The following GPR158 variants were observed in gnomAD, a reference collection of about 807,000 sequenced individuals.
GPR158 encodes the protein metabotropic glycine receptor.
A neutral mutation model predicts 78.2 loss-of-function variants in GPR158; 30 were observed. That is an observed-to-expected ratio of 0.38 (90% CI 0.29 to 0.52). GPR158 has a LOEUF of 0.52. Ranked by LOEUF, GPR158 falls within the 20% of genes least tolerant of loss-of-function variation. The probability of loss-of-function intolerance (pLI) is 0.83; values close to 1 mark genes in which losing one functional copy is unlikely to be tolerated. For synonymous variants in GPR158, 581 were observed against 591.1 expected, an observed-to-expected ratio of 0.98 and a Z score of 0.25; for missense variants, 1,463 against 1,523.5, an observed-to-expected ratio of 0.96 and a Z score of 0.66.
At chr10:25,343,231 G>A (rs1033439229) in intron 2 of GPR158, among the ~76,000 whole-genome samples, 1 of 151,946 alleles carries the variant, frequency 6.6e-6, no homozygotes, top group African/African-American at 2.4e-5. Context: ...ATTTTCAGAG[G>A]TAAAGGAATC....
intron 6 of GPR158, among the ~76,000 whole-genome samples, chr10:25,568,535 C>A (rs1238157341): frequency 6.6e-6 from 1 of 152,008 alleles, no homozygotes; most frequent in Non-Finnish European, 1.5e-5. Flanking sequence ...TGGGGAGAGA[C>A]CATGTAAAAT....
chr10:25,183,748 A>T (rs1852645021), intron 1 of GPR158, among the ~76,000 whole-genome samples: 1 of 152,220 alleles, frequency 6.6e-6, no homozygotes, highest in Non-Finnish European at 1.5e-5. Flanking sequence ...AGAGTTATGT[A>T]AGGTTTTGGT....
intron 2 of GPR158, among the ~76,000 whole-genome samples, chr10:25,379,570 C>T (rs917049532): frequency 2.0e-5 from 3 of 151,268 alleles, no homozygotes; most frequent in Non-Finnish European, 3.0e-5. Flanking sequence ...ACTTCTTTTT[C>T]TCTTCAGCTT....
intron 6 of GPR158, among the ~76,000 whole-genome samples, chr10:25,564,746 C>T (rs1357662554): frequency 6.6e-6 from 1 of 152,144 alleles, no homozygotes; most frequent in African/African-American, 2.4e-5. Context: ...AGCTTTTTTA[C>T]TCAGATTCAG....
chr10:25,430,294 C>T lies in GPR158; in HGVS notation c.1335+17821C>T, dbSNP rs879286257. On this transcript the variant is annotated intron_variant, in intron 4 of 10. Transcript: ENST00000376351. ...AAAGAGAATAAAATACTTAGGAATCCAACTTACAAGGGATGTGAAGGACCT... is the reference window on the plus strand; with the variant it reads ...AAAGAGAATAAAATACTTAGGAATCTAACTTACAAGGGATGTGAAGGACCT... 9.9e-3 allele frequency among the ~76,000 whole-genome samples: 1,496 copies of T among 150,816 alleles called. 18 individuals are homozygous for T. The highest frequency in any genetic ancestry group is 0.014 in the Middle Eastern group (4 of 286).
chr10:25,480,431 G>T (rs548751945), intron 5 of GPR158, among the ~76,000 whole-genome samples: 1 of 152,154 alleles, frequency 6.6e-6, no homozygotes, highest in South Asian at 2.1e-4. Context: ...GGCTATTATC[G>T]ATTTCCAAAA....
chr10:25,551,171 A>G lies in GPR158; in HGVS notation c.1514+86A>G, dbSNP rs939598964. ...TAATTGTTAGCTGGGCTGACCACTT[A>G]AATGGCTCAGTTTCAAGAATTTACA... On this transcript the variant is annotated intron_variant, in intron 6 of 10. Coordinates refer to ENST00000376351, the MANE Select transcript of GPR158 (RefSeq NM_020752.3). 19 of 774,922 alleles carry G rather than the reference A, an allele frequency of 2.5e-5. No homozygotes were observed. In the African/African-American group the frequency reaches 3.1e-4, roughly 13 times the overall value. The allele number at this position is 774,922 out of a possible 1,614,324, so 48.0% of individuals were successfully genotyped here.
chr10:25,293,553 G>A (rs1275185009), intron 2 of GPR158, among the ~76,000 whole-genome samples: 1 of 152,098 alleles, frequency 6.6e-6, no homozygotes. Context: ...CAAAAATAAC[G>A]ACCAAATTTT....
intron 4 of GPR158, among the ~76,000 whole-genome samples, chr10:25,413,921 T>C (rs562633987): frequency 2.0e-5 from 3 of 152,176 alleles, no homozygotes; most frequent in Non-Finnish European, 4.4e-5. Flanking sequence ...GTGTGTTATA[T>C]AATAAAAATA....
chr10:25,431,036 TCTG>T (rs1834895961), intron 4 of GPR158, among the ~76,000 whole-genome samples: 1 of 145,918 alleles, frequency 6.9e-6, no homozygotes. Context: ...TTAAAGAGCT[TCTG>T]CACAGCAAAA....
chr10:25,485,671 T>C (rs537594343), intron 5 of GPR158, among the ~76,000 whole-genome samples: 12 of 152,320 alleles, frequency 7.9e-5, no homozygotes, highest in Admixed American at 2.0e-4. Context: ...AATATCACTA[T>C]TGACAAATCT....
At chr10:25,178,375 G>A (rs1193500413) in intron 1 of GPR158, among the ~76,000 whole-genome samples, 1 of 152,120 alleles carries the variant, frequency 6.6e-6, no homozygotes, top group Non-Finnish European at 1.5e-5. Flanking sequence ...GTATTTTCAA[G>A]GGCCGCTGTG....
At chr10:25,477,618 C>T (rs1041718310) in intron 5 of GPR158, among the ~76,000 whole-genome samples, 49 of 152,054 alleles carry the variant, frequency 3.2e-4, no homozygotes, top group Non-Finnish European at 1.3e-4. Context: ...TTAAGCTGAT[C>T]CGTAGAATCC....
chr10:25,275,551 G>A (rs1854172818), intron 2 of GPR158, among the ~76,000 whole-genome samples: 1 of 152,130 alleles, frequency 6.6e-6, no homozygotes, highest in Non-Finnish European at 1.5e-5. Flanking sequence ...GAGATTTGGG[G>A]TGGTTTTCAA....
chr10:25,241,362 CTTT>C (rs1353950023), intron 2 of GPR158, among the ~76,000 whole-genome samples: 16 of 109,628 alleles, frequency 1.5e-4, no homozygotes, highest in African/African-American at 3.6e-4. Flanking sequence ...TTTCTTTTCT[CTTT>C]TCTTTTCTCT....
chr10:25,356,414 T>C (rs1042483067), intron 2 of GPR158, among the ~76,000 whole-genome samples: 2 of 152,006 alleles, frequency 1.3e-5, no homozygotes, highest in African/African-American at 4.8e-5. Context: ...TGTTGACTTA[T>C]TGGTTGTTTA....
intron 2 of GPR158, among the ~76,000 whole-genome samples, chr10:25,235,621 C>G (rs902455059): frequency 1.3e-5 from 2 of 151,344 alleles, no homozygotes; most frequent in Non-Finnish European, 1.5e-5. Context: ...TATTTCTTAA[C>G]CTTTTCATGT....
chr10:25,372,472 T>C (rs1834010599), intron 2 of GPR158, among the ~76,000 whole-genome samples: 1 of 144,098 alleles, frequency 6.9e-6, no homozygotes, highest in South Asian at 2.3e-4. Flanking sequence ...TGTCCAACAA[T>C]GATAGACTGG....
rs1837483374 is a variant in GPR158 at position 25,600,584 on chromosome 10, C to G, written c.*1310C>G. On this transcript the variant is annotated 3_prime_UTR_variant, in exon 11 of 11. Transcript: ENST00000376351. Reference sequence around the variant, plus strand: ...TTTAAAATACCTTAAAGTATTTATTCTCATAAACTCTTATTCATTGCTTCA... The same window carrying G: ...TTTAAAATACCTTAAAGTATTTATTGTCATAAACTCTTATTCATTGCTTCA... 6.6e-6 allele frequency: 1 copy of G among 152,402 alleles called. No homozygotes were observed. Among genetic ancestry groups the G allele is most frequent in the Admixed American group, 6.6e-5 (1 of 15,254 alleles). The allele number at this position is 152,402 out of a possible 1,614,324, so 9.4% of individuals were successfully genotyped here. A position where few individuals can be genotyped will look rare whatever the true frequency, so the allele number is the denominator to read the frequency against.
Sources: gnomAD v4.1 joint callset for allele counts (sites outside exome capture counted in the v4.1 genomes callset) on GRCh38, gnomAD v4.1.1 for gene constraint, MANE v1.5 for transcripts, NCBI Gene and HGNC (gene_info 2026-07-23, HGNC 2026-07-21) for gene names.